The following CNTN5 variants were observed in gnomAD, a reference collection of about 807,000 sequenced individuals.
The protein encoded by CNTN5 is contactin 5.
CNTN5 carries 77 observed loss-of-function variants against 129.1 expected under a neutral mutation model. The observed-to-expected ratio is 0.60, with a 90% CI of 0.50 to 0.72. The LOEUF is 0.72. Ranked by LOEUF, CNTN5 falls within the 30% of genes least tolerant of loss-of-function variation. The pLI is 0.00. For missense variants in CNTN5, 1,478 were observed against 1,328.8 expected (o/e 1.11, Z -1.75); for synonymous variants, 509 against 465.6 (o/e 1.09, Z -1.20).
chr11:99,771,973 G>A (rs1944961797), intron 3 of CNTN5, among the ~76,000 whole-genome samples: 2 of 151,368 alleles, frequency 1.3e-5, no homozygotes, highest in South Asian at 4.2e-4. Flanking sequence ...AAAAAAACCT[G>A]AAAAAAATGT....
intron 2 of CNTN5, among the ~76,000 whole-genome samples, chr11:99,448,977 C>A (rs1468723951): frequency 6.6e-6 from 1 of 151,678 alleles, no homozygotes; most frequent in African/African-American, 2.4e-5. Context: ...GATGGGATTT[C>A]TTTCCATGTT....
chr11:99,576,863 C>T (rs1949366633), intron 3 of CNTN5, among the ~76,000 whole-genome samples: 1 of 152,152 alleles, frequency 6.6e-6, no homozygotes, highest in Non-Finnish European at 1.5e-5. Flanking sequence ...ATGACCTAAT[C>T]ACCTCCCCAA....
chr11:99,504,643 A>G (rs1052599754), intron 2 of CNTN5, among the ~76,000 whole-genome samples: 2 of 152,152 alleles, frequency 1.3e-5, no homozygotes, highest in African/African-American at 4.8e-5. Context: ...GGATGAATGT[A>G]TATATTTTTA....
intron 2 of CNTN5, among the ~76,000 whole-genome samples, chr11:99,510,360 T>C (rs1946789546): frequency 6.6e-6 from 1 of 152,178 alleles, no homozygotes; most frequent in Admixed American, 6.5e-5. Context: ...GGCATAACCT[T>C]TCTGAGGGCA....
chr11:100,297,737 G>T, intron 19 of CNTN5, 42 bp downstream of exon 19: 1 of 1,398,862 alleles, frequency 7.1e-7, no homozygotes, highest in South Asian at 1.2e-5. Context: ...CCACGTGTTT[G>T]TTTGGCTTAG....
chr11:99,159,397 A>G (rs1860492251), intron 1 of CNTN5, among the ~76,000 whole-genome samples: 1 of 152,258 alleles, frequency 6.6e-6, no homozygotes, highest in Admixed American at 6.5e-5. Flanking sequence ...CTGAGGCGGA[A>G]GGATCACGAG....
intron 9 of CNTN5, among the ~76,000 whole-genome samples, chr11:100,035,132 C>T (rs1941914486): frequency 6.6e-6 from 1 of 152,126 alleles, no homozygotes; most frequent in Admixed American, 6.5e-5. Context: ...TCCTCCCACC[C>T]CACAACAGTC....
At chr11:99,245,117 A>G (rs894358067) in intron 1 of CNTN5, among the ~76,000 whole-genome samples, 5 of 152,176 alleles carry the variant, frequency 3.3e-5, no homozygotes, top group African/African-American at 1.2e-4. Context: ...GTCAAACTGC[A>G]CACACTCTTT....
intron 3 of CNTN5, among the ~76,000 whole-genome samples, chr11:99,703,659 T>C (rs1954625597): frequency 6.6e-6 from 1 of 150,962 alleles, no homozygotes; most frequent in African/African-American, 2.4e-5. Flanking sequence ...AATTTAGTTC[T>C]GTTTGATTAC....
intron 16 of CNTN5, among the ~76,000 whole-genome samples, chr11:100,240,156 G>C (rs180848650): frequency 6.7e-4 from 102 of 152,180 alleles, no homozygotes; most frequent in African/African-American, 2.4e-3. Context: ...AAGATAGTCT[G>C]CATTACAGAC....
intron 1 of CNTN5, among the ~76,000 whole-genome samples, chr11:99,237,877 A>G (rs542193352): frequency 6.6e-6 from 1 of 152,306 alleles, no homozygotes; most frequent in South Asian, 2.1e-4. Flanking sequence ...ATTGGTTACT[A>G]TCTACAAACC....
rs1944233338 is a variant in CNTN5, at chr11:99,449,992, A to AT, written c.-70-106146dup. ...GGAAGGGACAGTAAAAACCCTTAAT[A>AT]TTTTTTTGATCGACAAACTGATGCA... On this transcript the variant is annotated intron_variant, in intron 2 of 24. Coordinates refer to ENST00000524871, the MANE Select transcript of CNTN5 (RefSeq NM_014361.4). Among the ~76,000 whole-genome samples the AT allele has an allele frequency of 2.6e-5, 4 of 152,108 alleles. No homozygotes were observed. The South Asian group carries it at 8.3e-4, about 32-fold the overall frequency.
intron 2 of CNTN5, among the ~76,000 whole-genome samples, chr11:99,355,017 T>C (rs1007838516): frequency 1.3e-5 from 2 of 152,178 alleles, no homozygotes; most frequent in Non-Finnish European, 2.9e-5. Flanking sequence ...ACTGCTGTTA[T>C]CTCTGTCTGG....
chr11:99,078,831 A>G (rs1865684660), intron 1 of CNTN5, among the ~76,000 whole-genome samples: 1 of 152,108 alleles, frequency 6.6e-6, no homozygotes, highest in South Asian at 2.1e-4. Context: ...GGGATTGGTT[A>G]GTGGATATAA....
intron 3 of CNTN5, among the ~76,000 whole-genome samples, chr11:99,578,053 C>G (rs1242025968): frequency 6.7e-6 from 1 of 148,378 alleles, no homozygotes; most frequent in African/African-American, 2.5e-5. Context: ...TGTTCAATTC[C>G]CATCTATGAG....
At chr11:99,174,237 G>A (rs1028139078) in intron 1 of CNTN5, among the ~76,000 whole-genome samples, 20 of 152,104 alleles carry the variant, frequency 1.3e-4, no homozygotes, top group Admixed American at 1.2e-3. Flanking sequence ...GACCTCAAGT[G>A]ATCTGCTTGC....
chr11:100,237,585 A>C (rs1400276078), intron 16 of CNTN5, among the ~76,000 whole-genome samples: 4 of 152,166 alleles, frequency 2.6e-5, no homozygotes, highest in Non-Finnish European at 2.9e-5. Context: ...AGTACTCCTT[A>C]ATTTGGAATT....
intron 15 of CNTN5, among the ~76,000 whole-genome samples, chr11:100,212,058 C>A (rs1482852255): frequency 1.3e-5 from 2 of 152,088 alleles, no homozygotes; most frequent in Non-Finnish European, 2.9e-5. Flanking sequence ...TTGCTAATAT[C>A]CTCATGTATG....
intron 1 of CNTN5, among the ~76,000 whole-genome samples, chr11:99,293,274 G>A (rs2135925651): frequency 6.6e-6 from 1 of 152,246 alleles, no homozygotes; most frequent in Middle Eastern, 3.4e-3. Context: ...TCCCTGGGAT[G>A]AATCCCAGTT....
Sources: gnomAD v4.1 joint callset for allele counts (sites outside exome capture counted in the v4.1 genomes callset) on GRCh38, gnomAD v4.1.1 for gene constraint, MANE v1.5 for transcripts, NCBI Gene and HGNC (gene_info 2026-07-23, HGNC 2026-07-21) for gene names.